TMEM120B: variants seen among roughly 807,000 people sequenced by gnomAD.
TMEM120B encodes the protein transmembrane protein 120B.
In TMEM120B, 31 loss-of-function variants were observed where a neutral mutation model predicts 55.5. The observed-to-expected ratio is 0.56, with a 90% CI of 0.42 to 0.75. TMEM120B has a LOEUF of 0.75. Ranked by LOEUF, TMEM120B falls within the 30% of genes least tolerant of loss-of-function variation. TMEM120B has a pLI of 0.00. For synonymous variants in TMEM120B, 203 were observed against 176.3 expected (o/e 1.15, Z -1.20); for missense variants, 399 against 425.5 (o/e 0.94, Z 0.55).
At chr12:121,743,770 G>A in intron 2 of TMEM120B, 23 bp downstream of exon 2, 2 of 1,558,890 alleles carry the variant, frequency 1.3e-6, no homozygotes, top group Non-Finnish European at 1.8e-6. Flanking sequence ...GTAGCCCGGG[G>A]GCTGCCCTGG....
At chr12:121,763,307 C>T (rs372278728) in intron 6 of TMEM120B, among the ~76,000 whole-genome samples, 5 of 151,662 alleles carry the variant, frequency 3.3e-5, no homozygotes, top group African/African-American at 7.3e-5. Context: ...GGACTACAGG[C>T]GCCCGCCACC....
chr12:121,764,604 A>G (rs528646359), intron 6 of TMEM120B, among the ~76,000 whole-genome samples: 41 of 152,026 alleles, frequency 2.7e-4, no homozygotes, highest in Non-Finnish European at 5.0e-4. Context: ...GTATGAGCCC[A>G]GGAGGTTGAG....
chr12:121,780,578 C>T lies in TMEM120B; in HGVS notation c.*4856C>T. ...TGGATGGGACCAGATCCTGGCTCCA[C>T]TTCTCGCTAGCTGTGTGGCCCTGGG... On this transcript the variant is annotated 3_prime_UTR_variant, in exon 12 of 12. Coordinates refer to ENST00000449592, the MANE Select transcript of TMEM120B (RefSeq NM_001080825.2). 1.9e-6 allele frequency: 1 copy of T among 516,474 alleles called. No individual in the cohort carries two copies. The highest frequency in any genetic ancestry group is 3.3e-5 in the South Asian group (1 of 30,676). The allele number at this position is 516,474 out of a possible 1,614,324, so 32.0% of individuals were successfully genotyped here.
At chr12:121,719,266 G>C (rs551349573) in intron 1 of TMEM120B, among the ~76,000 whole-genome samples, 84 of 152,198 alleles carry the variant, frequency 5.5e-4, no homozygotes, top group African/African-American at 1.8e-3. Context: ...CAGAGAGAGG[G>C]ATGCTGGACA....
chr12:121,751,700 C>G (rs955464849), intron 4 of TMEM120B, among the ~76,000 whole-genome samples: 2 of 140,010 alleles, frequency 1.4e-5, no homozygotes, highest in Non-Finnish European at 3.1e-5. Context: ...GTTGGGTGGA[C>G]AGGACTTCCC....
At chr12:121,720,828 C>T (rs181464426) in intron 1 of TMEM120B, among the ~76,000 whole-genome samples, 19 of 152,296 alleles carry the variant, frequency 1.2e-4, no homozygotes, top group South Asian at 6.2e-4. Context: ...GACTGCCCAG[C>T]GACTTCTGAT....
chr12:121,719,133 C>T (rs1324319867), intron 1 of TMEM120B, among the ~76,000 whole-genome samples: 5 of 151,996 alleles, frequency 3.3e-5, no homozygotes, highest in Non-Finnish European at 5.9e-5. Context: ...GGCCAGGTCA[C>T]GGTCACATAT....
intron 1 of TMEM120B, 35 bp from the exon 2 acceptor site, chr12:121,743,594 C>A (rs1303074798): frequency 1.3e-6 from 2 of 1,525,412 alleles, no homozygotes; most frequent in Non-Finnish European, 1.8e-6. Flanking sequence ...TTCATATTCT[C>A]CCACACACCC....
intron 6 of TMEM120B, among the ~76,000 whole-genome samples, chr12:121,763,110 C>T (rs1873732294): frequency 6.6e-6 from 1 of 151,690 alleles, no homozygotes; most frequent in African/African-American, 2.4e-5. Context: ...ACCTATTTTC[C>T]AAAGGTCTAA....
chr12:121,771,044 G>A (rs1874030103), intron 7 of TMEM120B, 72 bp downstream of exon 7: 7 of 1,528,648 alleles, frequency 4.6e-6, no homozygotes, highest in Non-Finnish European at 6.3e-6. Flanking sequence ...TGGGGAGGGG[G>A]CTGATCCAGA....
chr12:121,779,535 T>G lies in TMEM120B; in HGVS notation c.*3813T>G. 6.2e-7 allele frequency: 1 copy of G among 1,613,052 alleles called. No homozygotes were observed. The highest frequency in any genetic ancestry group is 8.5e-7 in the Non-Finnish European group (1 of 1,179,384). ...GCAGAGCCGGCGCTTCTTCTGCCGT[T>G]GCGCCTTCTTCAGAGCGCTGAGAGC... On this transcript the variant is annotated 3_prime_UTR_variant, in exon 12 of 12. Coordinates refer to ENST00000449592, the MANE Select transcript of TMEM120B (RefSeq NM_001080825.2).
At chr12:121,759,131 T>C (rs1387992600) in intron 5 of TMEM120B, 2 of 878,108 alleles carry the variant, frequency 2.3e-6, no homozygotes, top group Non-Finnish European at 2.7e-6. Flanking sequence ...TGTTTTTTTT[T>C]TTTTTCTGAG....
rs927138879 is a variant in TMEM120B, at chr12:121,716,264, C to T, written c.69+3300C>T. Among the ~76,000 whole-genome samples the T allele has an allele frequency of 4.7e-5, 7 of 150,080 alleles. 1 individual carries two copies. Among genetic ancestry groups the T allele is most frequent in the African/African-American group, 1.7e-4 (7 of 40,636 alleles). ...TCAAGGCTGCAGTGAGCCATGATTG[C>T]ACCACTGTACTCTAGCCTGGGTGAC... is the stretch of plus-strand genomic sequence containing the variant. On this transcript the variant is annotated intron_variant, in intron 1 of 11. Coordinates refer to ENST00000449592, the MANE Select transcript of TMEM120B (RefSeq NM_001080825.2).
intron 1 of TMEM120B, among the ~76,000 whole-genome samples, chr12:121,736,735 A>G (rs1895124886): frequency 6.6e-6 from 1 of 151,380 alleles, no homozygotes; most frequent in Non-Finnish European, 1.5e-5. Context: ...AGTAGAGATG[A>G]GGTTTCACCA....
rs771888658 is a variant in TMEM120B at position 121,775,153 on chromosome 12, C to T, written c.906+23C>T. 49 of 336,670 alleles carry T rather than the reference C, an allele frequency of 1.5e-4. No homozygotes were observed. In the African/African-American group the frequency reaches 1.6e-3, roughly 11 times the overall value. The allele number at this position is 336,670 out of a possible 1,614,324, so 20.9% of individuals were successfully genotyped here. A position where few individuals can be genotyped will look rare whatever the true frequency, so the allele number is the denominator to read the frequency against. On this transcript the variant is annotated intron_variant, in intron 11 of 11. Coordinates refer to ENST00000449592, the MANE Select transcript of TMEM120B (RefSeq NM_001080825.2). The surrounding 1 kb of genome is among the most constrained non-coding windows in gnomAD (Gnocchi z 4.3). ...CAGGTATGGGGGGTGGGGGCATGCT[C>T]GGGGGAGGTTCCCGGGAGGGCTGGG...
chr12:121,728,381 C>T (rs886188155), intron 1 of TMEM120B, among the ~76,000 whole-genome samples: 24 of 151,016 alleles, frequency 1.6e-4, no homozygotes, highest in Non-Finnish European at 2.1e-4. Context: ...CCCAGCTACT[C>T]GGGAGGCTGA....
Position 121,717,610 on chromosome 12 carries a change from T to C in TMEM120B, c.69+4646T>C, listed in dbSNP as rs572437785. On this transcript the variant is annotated intron_variant, in intron 1 of 11. Coordinates refer to ENST00000449592, the MANE Select transcript of TMEM120B (RefSeq NM_001080825.2). The stretch of plus-strand genomic sequence containing the variant: ...GCCCTAGGCTCATCTGTGCCCTGAG[T>C]ACTCCTGTTAGCTTTTGTTTCTCTT... Among the ~76,000 whole-genome samples, 366 of 152,282 alleles carry C rather than the reference T, an allele frequency of 2.4e-3. 1 individual carries two copies. Among genetic ancestry groups the C allele is most frequent in the African/African-American group, 8.3e-3 (343 of 41,564 alleles).
chr12:121,774,609 G>A, intron 9 of TMEM120B, 49 bp from the exon 10 acceptor site: 1 of 1,588,690 alleles, frequency 6.3e-7, no homozygotes, highest in Non-Finnish European at 8.6e-7. Context: ...GGAGCTGTGG[G>A]GGCAGCGGAC....
Position 121,718,512 on chromosome 12 carries a change from AAATG to A in TMEM120B, c.69+5554_69+5557del, listed in dbSNP as rs577153539. 7.2e-5 allele frequency among the ~76,000 whole-genome samples: 11 copies of A among 152,232 alleles called. No homozygotes were observed. The East Asian group carries it at 2.1e-3, about 29-fold the overall frequency. On this transcript the variant is annotated intron_variant, in intron 1 of 11. Coordinates refer to ENST00000449592, the MANE Select transcript of TMEM120B (RefSeq NM_001080825.2). ...CAGAGTGAGATCCTGTCTCAAAAAT[AAATG>A]AATGAGTGAATGAATGAATGACAAC...
Sources: gnomAD v4.1 joint callset for allele counts (sites outside exome capture counted in the v4.1 genomes callset) on GRCh38, gnomAD v4.1.1 for gene constraint, Gnocchi (gnomAD v3.1) non-coding constraint, MANE v1.5 for transcripts, NCBI Gene and HGNC (gene_info 2026-07-23, HGNC 2026-07-21) for gene names.